PRCP: variants seen among roughly 807,000 people sequenced by gnomAD.
PRCP encodes the protein prolylcarboxypeptidase, also known as lysosomal Pro-X carboxypeptidase.
A neutral mutation model predicts 54.2 loss-of-function variants in PRCP; 46 were observed. The observed-to-expected ratio is 0.85, with a 90% CI of 0.67 to 1.09. PRCP has a LOEUF of 1.09. PRCP is among the 50% of genes least tolerant of loss of function. PRCP has a pLI of 0.00. For synonymous variants in PRCP, 240 were observed against 212.2 expected (o/e 1.13, Z -1.14); for missense variants, 613 against 596.8 (o/e 1.03, Z -0.28).
chr11:82,879,280 A>T (rs900024017), intron 1 of PRCP, among the ~76,000 whole-genome samples: 3 of 152,070 alleles, frequency 2.0e-5, no homozygotes, highest in African/African-American at 7.2e-5. Flanking sequence ...CATTCATTTG[A>T]TCTTCAATCA....
chr11:82,838,741 A>G (rs1858591110), intron 7 of PRCP, among the ~76,000 whole-genome samples, 167 bp from the exon 8 acceptor site: 1 of 152,212 alleles, frequency 6.6e-6, no homozygotes. Flanking sequence ...ATCTCTCATT[A>G]TTCTTAAAAA....
chr11:82,838,331 G>T, intron 8 of PRCP, 56 bp downstream of exon 8: 1 of 1,487,680 alleles, frequency 6.7e-7, no homozygotes, highest in Non-Finnish European at 9.1e-7. Flanking sequence ...TGTTTTTTCA[G>T]ATATTCTACA....
upstream of PRCP, chr11:82,900,592 C>A: frequency 1.3e-6 from 1 of 749,136 alleles, no homozygotes; most frequent in Non-Finnish European, 2.3e-6. Context: ...CGCCCCCATC[C>A]CCGAGGACAC....
chr11:82,860,548 A>G (rs529697511), intron 1 of PRCP, among the ~76,000 whole-genome samples: 1 of 152,250 alleles, frequency 6.6e-6, no homozygotes, highest in African/African-American at 2.4e-5. Context: ...GCTAATTAAC[A>G]TAAGCATTAC....
chr11:82,845,061 A>T (rs150682555), intron 6 of PRCP, among the ~76,000 whole-genome samples: 1 of 151,670 alleles, frequency 6.6e-6, no homozygotes. Context: ...ACTGTAAAAT[A>T]GTAGAGTGAT....
intron 1 of PRCP, among the ~76,000 whole-genome samples, chr11:82,881,623 A>G (rs923537636): frequency 3.5e-4 from 54 of 152,208 alleles, no homozygotes; most frequent in African/African-American, 1.2e-3. Context: ...GGGGTATTAT[A>G]ATAAGTTAGC....
chr11:82,848,860 C>T (rs7113058), intron 6 of PRCP, among the ~76,000 whole-genome samples, 189 bp downstream of exon 6: 70,073 of 151,870 alleles, frequency 0.46, 16,288 homozygotes, highest in Admixed American at 0.53. Flanking sequence ...AACTGAGGCT[C>T]AGAAAAGCTA....
chr11:82,832,422 T>C (rs1457268274), intron 8 of PRCP, among the ~76,000 whole-genome samples: 1 of 152,238 alleles, frequency 6.6e-6, no homozygotes, highest in Non-Finnish European at 1.5e-5. Context: ...GGTGTCTCAT[T>C]GTGGTTTTGA....
intron 1 of PRCP, among the ~76,000 whole-genome samples, chr11:82,878,257 T>C (rs1859654251): frequency 6.6e-6 from 1 of 152,170 alleles, no homozygotes; most frequent in Non-Finnish European, 1.5e-5. Flanking sequence ...TTGTCTCAGG[T>C]GAGACTTTGG....
At chr11:82,851,771 T>C (rs891419287) in intron 3 of PRCP, among the ~76,000 whole-genome samples, 2 of 152,128 alleles carry the variant, frequency 1.3e-5, no homozygotes, top group African/African-American at 4.8e-5. Flanking sequence ...ATTTCTTCCA[T>C]CATCTGGCAT....
At chr11:82,863,821 T>G (rs1349778785) in intron 1 of PRCP, among the ~76,000 whole-genome samples, 60 of 152,152 alleles carry the variant, frequency 3.9e-4, no homozygotes, top group Admixed American at 3.9e-3. Context: ...CCCAAGGTAC[T>G]CCTGCTCCCA....
At chr11:82,845,757 T>C (rs1008398790) in intron 6 of PRCP, 2 of 152,224 alleles carry the variant, frequency 1.3e-5, no homozygotes. Context: ...AATTACAGCA[T>C]CCTTTAAAGT....
chr11:82,840,988 T>C (rs1591041751), intron 6 of PRCP: 1 of 145,290 alleles, frequency 6.9e-6, no homozygotes, highest in Non-Finnish European at 1.5e-5. Flanking sequence ...TGAATCTCTA[T>C]TGACTCTGAC....
At position 82,824,775 on chromosome 11, in the gene PRCP, T is replaced by C. The variant is rs910110858; in HGVS notation, c.*131A>G. ...TTGCTCTTACCGTCATCACCCTCTA[T>C]TCTATCTCAACTTTGGCCCCATCAA... is the stretch of plus-strand genomic sequence containing the variant. On this transcript the variant is annotated 3_prime_UTR_variant, in exon 9 of 9. Coordinates refer to ENST00000313010, the MANE Select transcript of PRCP (RefSeq NM_005040.4). 4 of 911,976 alleles carry C rather than the reference T, an allele frequency of 4.4e-6. No homozygotes were observed. The African/African-American group carries it at 6.6e-5, about 15-fold the overall frequency. 56.5% of individuals were successfully genotyped at this position (911,976 alleles called of 1,614,324 possible).
intron 8 of PRCP, among the ~76,000 whole-genome samples, chr11:82,837,763 T>C (rs770499525): frequency 1.7e-4 from 26 of 152,300 alleles, no homozygotes; most frequent in Non-Finnish European, 3.1e-4. Context: ...TGTGAACCAG[T>C]GGCAACTGTG....
At chr11:82,893,712 G>C (rs1860054570) in intron 1 of PRCP, among the ~76,000 whole-genome samples, 1 of 152,196 alleles carries the variant, frequency 6.6e-6, no homozygotes, top group African/African-American at 2.4e-5. Flanking sequence ...AGGATCACTT[G>C]AGCCCATAGG....
Position 82,850,471 on chromosome 11 carries a change from T to C in PRCP, c.446A>G (p.Gln149Arg). ...SRHLNFLTSE[Q>R]ALADFAELIK... is the part of the protein sequence containing the mutation. ...TAACTCTGCAAAATCAGCCAGAGCT[T>C]GTTCTGATGTCAGGAAATTCAAGTG... Residue 149 changes from glutamine (Q) to arginine (R), a missense_variant, in exon 4 of 9, where the codon CAA becomes CGA. Coordinates refer to ENST00000313010, the MANE Select transcript of PRCP (RefSeq NM_005040.4). The C allele has an allele frequency of 1.9e-6, 3 of 1,584,296 alleles. No homozygotes were observed. The highest frequency in any genetic ancestry group is 2.6e-6 in the Non-Finnish European group (3 of 1,163,854).
At chr11:82,838,918 T>C (rs1363624049) in intron 7 of PRCP, among the ~76,000 whole-genome samples, 1 of 152,226 alleles carries the variant, frequency 6.6e-6, no homozygotes, top group African/African-American at 2.4e-5. Context: ...CTTTCTTTTA[T>C]ATGTCTATAA....
At chr11:82,846,003 T>C (rs991917693) in intron 6 of PRCP, 4 of 152,152 alleles carry the variant, frequency 2.6e-5, no homozygotes, top group African/African-American at 9.7e-5. Context: ...ACACGGAAAA[T>C]GGCATTTAGT....
Sources: gnomAD v4.1 joint callset for allele counts (sites outside exome capture counted in the v4.1 genomes callset) on GRCh38, gnomAD v4.1.1 for gene constraint, MANE v1.5 for transcripts, NCBI Gene and HGNC (gene_info 2026-07-23, HGNC 2026-07-21) for gene names.